The following KIAA1958 variants were observed in gnomAD, a reference collection of about 807,000 sequenced individuals.
The protein encoded by KIAA1958 is uncharacterized protein KIAA1958.
A neutral mutation model predicts 47.2 loss-of-function variants in KIAA1958; 14 were observed. The observed-to-expected ratio is 0.30, with a 90% CI of 0.20 to 0.46. The LOEUF (loss-of-function observed/expected upper bound fraction) is 0.46, where lower values mean the gene tolerates loss of function less well. Ranked by LOEUF, KIAA1958 falls within the 20% of genes least tolerant of loss-of-function variation. KIAA1958 has a pLI of 1.00. For synonymous variants in KIAA1958, 354 were observed against 353.3 expected, an observed-to-expected ratio of 1.00 and a Z score of -0.02; for missense variants, 803 against 909.2, an observed-to-expected ratio of 0.88 and a Z score of 1.50.
chr9:112,610,455 G>A (rs1483769101), intron 2 of KIAA1958, among the ~76,000 whole-genome samples: 1 of 151,914 alleles, frequency 6.6e-6, no homozygotes, highest in Non-Finnish European at 1.5e-5. Flanking sequence ...AAAGGGGTAT[G>A]GAGGAGAGAT....
At chr9:112,492,202 G>T (rs1181230724) in intron 1 of KIAA1958, among the ~76,000 whole-genome samples, 1 of 152,192 alleles carries the variant, frequency 6.6e-6, no homozygotes, top group Non-Finnish European at 1.5e-5. Context: ...CAATTCTGGA[G>T]GCTAGAAGTA....
intron 1 of KIAA1958, among the ~76,000 whole-genome samples, chr9:112,570,451 A>G (rs531584566): frequency 6.6e-6 from 1 of 152,338 alleles, no homozygotes; most frequent in South Asian, 2.1e-4. Flanking sequence ...AGATTTTGTA[A>G]GTATATGCTA....
At chr9:112,559,712 A>C (rs1401598891) in intron 1 of KIAA1958, among the ~76,000 whole-genome samples, 1 of 152,226 alleles carries the variant, frequency 6.6e-6, no homozygotes, top group Non-Finnish European at 1.5e-5. Flanking sequence ...CAATTCCATC[A>C]GGAGAATGAG....
chr9:112,545,964 TA>T (rs1380584927), intron 1 of KIAA1958, among the ~76,000 whole-genome samples: 1 of 152,026 alleles, frequency 6.6e-6, no homozygotes, highest in East Asian at 1.9e-4. Flanking sequence ...CTCCTGATCT[TA>T]AGGCATTTTA....
intron 1 of KIAA1958, among the ~76,000 whole-genome samples, chr9:112,550,139 G>A (rs1347171143): frequency 6.6e-6 from 1 of 150,882 alleles, no homozygotes; most frequent in Non-Finnish European, 1.5e-5. Flanking sequence ...TCAGAGCCGT[G>A]TTGATAATTT....
intron 3 of KIAA1958, among the ~76,000 whole-genome samples, chr9:112,652,954 G>C (rs1047464541): frequency 6.6e-6 from 1 of 152,120 alleles, no homozygotes; most frequent in Non-Finnish European, 1.5e-5. Flanking sequence ...CATGTATTTC[G>C]GGACTTCTGG....
At chr9:112,653,815 G>A (rs1341568069) in intron 3 of KIAA1958, among the ~76,000 whole-genome samples, 2 of 152,112 alleles carry the variant, frequency 1.3e-5, no homozygotes, top group African/African-American at 4.8e-5. Flanking sequence ...CAAGAGAATC[G>A]CTTGAACCCG....
At chr9:112,625,695 C>G (rs1184414104) in intron 2 of KIAA1958, among the ~76,000 whole-genome samples, 1 of 152,220 alleles carries the variant, frequency 6.6e-6, no homozygotes, top group Non-Finnish European at 1.5e-5. Context: ...GGAGTAGATT[C>G]AAGCTGCCAA....
intron 1 of KIAA1958, among the ~76,000 whole-genome samples, chr9:112,519,772 G>A (rs1834506505): frequency 6.6e-6 from 1 of 152,112 alleles, no homozygotes; most frequent in Admixed American, 6.6e-5. Flanking sequence ...TGTACCTTTT[G>A]GAGTTCAAAG....
chr9:112,610,038 AG>A (rs1198872072), intron 2 of KIAA1958, among the ~76,000 whole-genome samples: 2 of 152,356 alleles, frequency 1.3e-5, no homozygotes, highest in Non-Finnish European at 2.9e-5. Flanking sequence ...AACACAATGA[AG>A]CAAAATTAGA....
intron 1 of KIAA1958, among the ~76,000 whole-genome samples, chr9:112,543,146 T>TG (rs895387805): frequency 2.0e-5 from 3 of 152,214 alleles, no homozygotes; most frequent in Admixed American, 6.5e-5. Context: ...ATCAAAGCTC[T>TG]GAGCAGCTTG....
chr9:112,502,928 A>G (rs1834168514), intron 1 of KIAA1958, among the ~76,000 whole-genome samples: 2 of 152,362 alleles, frequency 1.3e-5, no homozygotes, highest in South Asian at 4.1e-4. Context: ...GGATCTAGCC[A>G]TTTACAATGA....
intron 1 of KIAA1958, among the ~76,000 whole-genome samples, chr9:112,497,474 T>C (rs1349509653): frequency 6.6e-6 from 1 of 152,194 alleles, no homozygotes; most frequent in East Asian, 1.9e-4. Context: ...AAACCAAGCC[T>C]GCCAACACTT....
At chr9:112,632,874 A>T (rs1836735205) in intron 2 of KIAA1958, among the ~76,000 whole-genome samples, 1 of 150,246 alleles carries the variant, frequency 6.7e-6, no homozygotes, top group Admixed American at 6.6e-5. Flanking sequence ...TCAATCCCCA[A>T]ATCATGAAAA....
chr9:112,516,891 A>G (rs1834445715), intron 1 of KIAA1958, among the ~76,000 whole-genome samples: 1 of 152,280 alleles, frequency 6.6e-6, no homozygotes, highest in South Asian at 2.1e-4. Context: ...ATTTATGGAC[A>G]GAAAAAGGAG....
chr9:112,556,742 G>A (rs562616084), intron 1 of KIAA1958, among the ~76,000 whole-genome samples: 1 of 152,348 alleles, frequency 6.6e-6, no homozygotes, highest in South Asian at 2.1e-4. Flanking sequence ...AATCTAGGGA[G>A]TGTTGCAGTT....
intron 2 of KIAA1958, among the ~76,000 whole-genome samples, chr9:112,624,519 C>G (rs1043025283): frequency 5.9e-5 from 9 of 152,084 alleles, no homozygotes; most frequent in African/African-American, 1.4e-4. Context: ...TGGTGTATTT[C>G]TAGTGATATA....
intron 1 of KIAA1958, among the ~76,000 whole-genome samples, chr9:112,487,936 A>C (rs1343472760): frequency 1.1e-5 from 1 of 91,006 alleles, no homozygotes; most frequent in Non-Finnish European, 2.1e-5. Context: ...ATATGTATTT[A>C]GTGTGTGTGC....
At chr9:112,623,498 A>G (rs1234350044) in intron 2 of KIAA1958, among the ~76,000 whole-genome samples, 1 of 152,118 alleles carries the variant, frequency 6.6e-6, no homozygotes, top group Non-Finnish European at 1.5e-5. Context: ...CTCTGAAGTT[A>G]TAAATTATAA....
Sources: gnomAD v4.1 joint callset for allele counts (sites outside exome capture counted in the v4.1 genomes callset) on GRCh38, gnomAD v4.1.1 for gene constraint, MANE v1.5 for transcripts, NCBI Gene and HGNC (gene_info 2026-07-23, HGNC 2026-07-21) for gene names.